ACTR3C: variants seen among roughly 807,000 people sequenced by gnomAD.
The protein encoded by ACTR3C is actin related protein 3C.
In ACTR3C, 18 loss-of-function variants were observed where a neutral mutation model predicts 26.3. The observed-to-expected ratio is 0.68, with a 90% confidence interval of 0.47 to 1.01. The LOEUF is 1.01. ACTR3C is among the 50% of genes least tolerant of loss of function. ACTR3C has a pLI of 0.00. For synonymous variants in ACTR3C, 55 were observed against 94.5 expected, an observed-to-expected ratio of 0.58 and a Z score of 2.42; for missense variants, 184 against 250.7, an observed-to-expected ratio of 0.73 and a Z score of 1.80.
At chr7:150,127,453 G>A in the ACTR3C span, among the ~76,000 whole-genome samples, 7 of 152,104 alleles carry the variant, frequency 4.6e-5, no homozygotes, top group East Asian at 3.9e-4. Context: ...GATTCAGGTC[G>A]GACAACGGCT....
the ACTR3C span, among the ~76,000 whole-genome samples, chr7:150,172,994 C>T: frequency 6.7e-6 from 1 of 148,968 alleles, no homozygotes; most frequent in Non-Finnish European, 1.5e-5. Context: ...CAGCCTCCAT[C>T]CCAGCTGCTT....
the ACTR3C span, among the ~76,000 whole-genome samples, chr7:149,981,122 C>A: frequency 1.3e-5 from 2 of 152,092 alleles, no homozygotes; most frequent in African/African-American, 2.4e-5. Flanking sequence ...AGTCAACCAA[C>A]CAAATGTGAA....
At chr7:150,039,846 T>C in the ACTR3C span, among the ~76,000 whole-genome samples, 8 of 110,748 alleles carry the variant, frequency 7.2e-5, no homozygotes, top group African/African-American at 2.8e-4. Context: ...GCGATGGGGG[T>C]CCTAAGAGCA....
At chr7:150,179,679 A>G in the ACTR3C span, among the ~76,000 whole-genome samples, 1 of 151,374 alleles carries the variant, frequency 6.6e-6, no homozygotes, top group South Asian at 2.1e-4. Context: ...TTGTAGAGGC[A>G]GGGGTCTCGC....
the ACTR3C span, among the ~76,000 whole-genome samples, chr7:150,216,038 G>T: frequency 0.012 from 1,778 of 151,410 alleles, 15 homozygotes; most frequent in Admixed American, 0.019. Flanking sequence ...CTCCTAGCAG[G>T]ATAAATATAA....
chr7:150,195,255 T>C, the ACTR3C span, among the ~76,000 whole-genome samples: 1 of 151,690 alleles, frequency 6.6e-6, no homozygotes, highest in East Asian at 1.9e-4. Context: ...AAATACACTA[T>C]AGATCTAAAA....
At chr7:150,032,408 C>G in the ACTR3C span, among the ~76,000 whole-genome samples, 23 of 152,210 alleles carry the variant, frequency 1.5e-4, no homozygotes, top group African/African-American at 5.3e-4. Flanking sequence ...CTGTTCCTGT[C>G]TGTGCAACGT....
At chr7:150,022,398 A>G in the ACTR3C span, among the ~76,000 whole-genome samples, 1 of 151,136 alleles carries the variant, frequency 6.6e-6, no homozygotes, top group East Asian at 1.9e-4. Flanking sequence ...GTTTGCAAAT[A>G]TTTTCTCCCG....
At chr7:150,243,203 T>A (rs543657158), downstream of ACTR3C, among the ~76,000 whole-genome samples, 2 of 152,288 alleles carry the variant, frequency 1.3e-5, no homozygotes, top group South Asian at 2.1e-4. Context: ...CTATTGTGAA[T>A]TGATTGCACT....
At chr7:150,156,543 AGAGAGAGAGAGAG>A in the ACTR3C span, among the ~76,000 whole-genome samples, 2 of 151,402 alleles carry the variant, frequency 1.3e-5, no homozygotes, top group South Asian at 2.1e-4. Context: ...GCTTATTGAG[AGAGAGAGAGAGAG>A]GAGAGAGAGA....
chr7:150,049,998 A>G, the ACTR3C span, among the ~76,000 whole-genome samples: 1 of 152,170 alleles, frequency 6.6e-6, no homozygotes, highest in African/African-American at 2.4e-5. Context: ...CTTTGAAGAC[A>G]GAGGCAACAG....
chr7:150,076,140 C>T, the ACTR3C span, among the ~76,000 whole-genome samples: 1 of 151,622 alleles, frequency 6.6e-6, no homozygotes, highest in African/African-American at 2.4e-5. Flanking sequence ...GAAACCTCTG[C>T]TTGTTTTTCT....
chr7:150,288,470 G>A (rs1835956899), intron 4 of ACTR3C, among the ~76,000 whole-genome samples: 2 of 133,604 alleles, frequency 1.5e-5, no homozygotes, highest in Admixed American at 7.2e-5. Flanking sequence ...GGCTAGTTTC[G>A]AACCCTGGCT....
At chr7:149,962,377 A>T in the ACTR3C span, among the ~76,000 whole-genome samples, 2 of 152,222 alleles carry the variant, frequency 1.3e-5, no homozygotes, top group South Asian at 4.2e-4. Flanking sequence ...GAGGAAGAAA[A>T]TTAGATCCAC....
the ACTR3C span, among the ~76,000 whole-genome samples, chr7:150,049,437 G>A: frequency 1.3e-5 from 2 of 152,220 alleles, no homozygotes; most frequent in African/African-American, 4.8e-5. Context: ...CCATTCCGCC[G>A]CCTCCTTCCA....
At chr7:150,036,973 C>A in the ACTR3C span, among the ~76,000 whole-genome samples, 1 of 69,102 alleles carries the variant, frequency 1.4e-5, no homozygotes. Context: ...GCTCTCAGTC[C>A]CTGCCTCGCG....
the ACTR3C span, among the ~76,000 whole-genome samples, chr7:150,088,628 A>T: frequency 2.0e-5 from 3 of 152,156 alleles, no homozygotes; most frequent in South Asian, 6.2e-4. Flanking sequence ...TGTTATAATT[A>T]AAAAAAGATA....
intron 1 of ACTR3C, among the ~76,000 whole-genome samples, chr7:150,306,988 G>C (rs73470357): frequency 0.013 from 1,908 of 152,244 alleles, 40 homozygotes; most frequent in African/African-American, 0.044. Flanking sequence ...TAAAAAAGCA[G>C]TTATAAAAGG....
At chr7:150,039,977 G>A in the ACTR3C span, among the ~76,000 whole-genome samples, 99 of 141,392 alleles carry the variant, frequency 7.0e-4, 2 homozygotes, top group South Asian at 1.8e-3. Context: ...GCCTCGCGGG[G>A]ATTGCCTCCC....
Sources: gnomAD v4.1 joint callset for allele counts (sites outside exome capture counted in the v4.1 genomes callset) on GRCh38, gnomAD v4.1.1 for gene constraint, MANE v1.5 for transcripts, NCBI Gene and HGNC (gene_info 2026-07-23, HGNC 2026-07-21) for gene names.